CRISP2: variants seen among roughly 807,000 people sequenced by gnomAD.
The protein encoded by CRISP2 is cysteine-rich secretory protein 2.
A neutral mutation model predicts 31.7 loss-of-function variants in CRISP2; 29 were observed. The observed-to-expected ratio is 0.92, with a 90% CI of 0.68 to 1.25. The LOEUF (loss-of-function observed/expected upper bound fraction) is 1.25. CRISP2 is among the 50% of genes most tolerant of loss of function. CRISP2 has a pLI of 0.00. For missense variants in CRISP2, 318 were observed against 286.5 expected, an observed-to-expected ratio of 1.11 and a Z score of -0.79; for synonymous variants, 111 against 101.4, an observed-to-expected ratio of 1.09 and a Z score of -0.57.
At chr6:49,688,133 G>A (rs1159447383), downstream of CRISP2, among the ~76,000 whole-genome samples, 2 of 152,124 alleles carry the variant, frequency 1.3e-5, no homozygotes, top group Middle Eastern at 3.2e-3. Context: ...CAATGGATGA[G>A]TCCTAAGACA....
At chr6:49,693,320 T>G (rs897831846) in intron 9 of CRISP2, among the ~76,000 whole-genome samples, 1 of 152,204 alleles carries the variant, frequency 6.6e-6, no homozygotes, top group Admixed American at 6.5e-5. Context: ...AAATTTTGGT[T>G]TCTTAATCTT....
At chr6:49,686,206 T>C in the CRISP2 span, among the ~76,000 whole-genome samples, 2 of 152,252 alleles carry the variant, frequency 1.3e-5, no homozygotes, top group African/African-American at 4.8e-5. Context: ...ATATCCTTAT[T>C]ATTCATTTTA....
chr6:49,699,755 A>G, intron 6 of CRISP2, 49 bp downstream of exon 6: 1 of 1,287,206 alleles, frequency 7.8e-7, no homozygotes, highest in Non-Finnish European at 1.1e-6. Context: ...ATGCTCTATT[A>G]TTATTTTATT....
intron 3 of CRISP2, 112 bp downstream of exon 3, chr6:49,711,162 CAGACAAACAAA>C (rs1268342070): frequency 9.5e-6 from 1 of 105,422 alleles, no homozygotes; most frequent in African/African-American, 5.2e-5. Context: ...AACAAACAAA[CAGACAAACAAA>C]AAACAAAAAA....
the CRISP2 span, among the ~76,000 whole-genome samples, chr6:49,679,414 T>G: frequency 2.0e-5 from 3 of 152,144 alleles, no homozygotes; most frequent in East Asian, 5.8e-4. Flanking sequence ...TGACAAGTTA[T>G]TTAGAAAGCT....
downstream of CRISP2, among the ~76,000 whole-genome samples, chr6:49,689,279 C>A (rs1763978395): frequency 6.6e-6 from 1 of 152,166 alleles, no homozygotes; most frequent in Non-Finnish European, 1.5e-5. Flanking sequence ...AATTATATTA[C>A]AGACATCAAA....
chr6:49,681,523 T>C, the CRISP2 span, among the ~76,000 whole-genome samples: 7 of 152,184 alleles, frequency 4.6e-5, no homozygotes, highest in Non-Finnish European at 8.8e-5. Flanking sequence ...AAACTTTAGA[T>C]TAAATGTGGG....
the CRISP2 span, among the ~76,000 whole-genome samples, chr6:49,683,456 C>T: frequency 7.1e-4 from 106 of 149,880 alleles, no homozygotes; most frequent in African/African-American, 2.5e-3. Flanking sequence ...AGGCAGATCA[C>T]GAGGTCAGCA....
At chr6:49,707,943 C>T (rs1209930814) in intron 4 of CRISP2, among the ~76,000 whole-genome samples, 2 of 152,052 alleles carry the variant, frequency 1.3e-5, no homozygotes, top group African/African-American at 4.8e-5. Flanking sequence ...TCCTCTTGGC[C>T]CTTCACATAC....
intron 5 of CRISP2, 113 bp downstream of exon 5, chr6:49,700,554 CA>C (rs1184246230): frequency 1.4e-6 from 1 of 713,390 alleles, no homozygotes; most frequent in East Asian, 2.6e-5. Context: ...AATAAAATAA[CA>C]AAACAGAGAC....
At chr6:49,679,472 A>G in the CRISP2 span, among the ~76,000 whole-genome samples, 1 of 152,148 alleles carries the variant, frequency 6.6e-6, no homozygotes, top group African/African-American at 2.4e-5. Context: ...ATGAGAGCAA[A>G]GGGAAATGGT....
chr6:49,684,874 A>G, the CRISP2 span, among the ~76,000 whole-genome samples: 1 of 152,176 alleles, frequency 6.6e-6, no homozygotes, highest in Non-Finnish European at 1.5e-5. Context: ...CTTTCAGTCA[A>G]TTAGTACTGG....
intron 9 of CRISP2, among the ~76,000 whole-genome samples, chr6:49,693,113 T>C (rs1237181029): frequency 6.6e-6 from 1 of 152,122 alleles, no homozygotes; most frequent in Non-Finnish European, 1.5e-5. Context: ...TCCAGGGACA[T>C]ATGAGGTGTC....
At chr6:49,692,153 T>C (rs1764085067), downstream of CRISP2, among the ~76,000 whole-genome samples, 1 of 152,162 alleles carries the variant, frequency 6.6e-6, no homozygotes, top group Non-Finnish European at 1.5e-5. Flanking sequence ...AGAGTAGAAC[T>C]GATTAATTTT....
At chr6:49,698,580 A>T in intron 6 of CRISP2, 73 bp from the exon 7 acceptor site, 1 of 1,494,148 alleles carries the variant, frequency 6.7e-7, no homozygotes, top group Non-Finnish European at 9.0e-7. Context: ...ACAAACACAA[A>T]GATGTTGCCT....
intron 5 of CRISP2, among the ~76,000 whole-genome samples, chr6:49,700,207 AT>A (rs902188705): frequency 6.6e-6 from 1 of 152,138 alleles, no homozygotes; most frequent in Admixed American, 6.6e-5. Flanking sequence ...TTCTAATTAT[AT>A]TTTAATAGTA....
Position 49,698,377 on chromosome 6 carries a change from A to G in CRISP2, c.402T>C (p.Val134=), listed in dbSNP as rs1415934497. The G allele has an allele frequency of 1.9e-6, 3 of 1,613,244 alleles. No homozygotes were observed. The highest frequency in any genetic ancestry group is 2.5e-6 in the Non-Finnish European group (3 of 1,179,562). The change falls in exon 7 of 10, where the codon GTT becomes GTC. Residue 134 remains valine, a synonymous_variant. Transcript: ENST00000339139. ...GVGPKSPNAV[V]GHYTQLVWYS... ...TTCTTCTTACCTGAGTATAATGTCC[A>G]ACAACTGCATTGGGACTCTTTGGTC...
rs560153781 is a variant in CRISP2 at position 49,704,600 on chromosome 6, G to A, written c.67-3816C>T. On this transcript the variant is annotated intron_variant, in intron 4 of 9. Transcript: ENST00000339139. ...GGGGCTTCCTGAGAGCCAGACTGCA[G>A]TGATTGTTATTGCTCTTCGGGGTCT... is the stretch of plus-strand genomic sequence containing the variant. Among the ~76,000 whole-genome samples, 5 of 152,274 alleles carry A rather than the reference G, an allele frequency of 3.3e-5. No homozygotes were observed. In the South Asian group the frequency reaches 1.0e-3, roughly 32 times the overall value.
In CRISP2 at chr6:49,695,846, T is replaced by C. The variant is rs1312961728; in HGVS notation, c.594A>G (p.Lys198=). Residue 198 remains lysine, a synonymous_variant, in exon 9 of 10, where the codon AAA becomes AAG. Transcript: ENST00000339139. The part of the protein sequence containing the change: ...PCAGCPDDCD[K]GLCTNSCQYQ... ...TCACTTCAAACTTACTGCATAGTCC[T>C]TTGTCACAGTCATCAGGGCAACCGG... The C allele has an allele frequency of 6.2e-7, 1 of 1,610,814 alleles. No individual in the cohort carries two copies. The highest frequency in any genetic ancestry group is 1.7e-5 in the Admixed American group (1 of 59,894).
Sources: allele counts gnomAD v4.1 joint callset (sites outside exome capture counted in the v4.1 genomes callset), GRCh38; gene constraint gnomAD v4.1.1; transcripts MANE v1.5; gene names NCBI Gene and HGNC (gene_info 2026-07-23, HGNC 2026-07-21).